Variants in LINGO2 observed in about 807,000 individuals in gnomAD.
LINGO2 encodes leucine rich repeat and Ig domain containing 2, also known as leucine-rich repeat and immunoglobulin-like domain-containing nogo receptor-interacting protein 2.
Under a neutral mutation model 30.6 loss-of-function variants are expected in LINGO2, and 14 were observed. That is an observed-to-expected ratio of 0.46 (90% CI 0.30 to 0.72). The LOEUF is 0.72. LINGO2 is among the 30% of genes least tolerant of loss of function. The pLI is 0.07. For synonymous variants in LINGO2, 317 were observed against 288.5 expected (o/e 1.10, Z -1.00); for missense variants, 729 against 751.7 (o/e 0.97, Z 0.35).
chr9:28,452,003 A>G (rs1004215400), intron 2 of LINGO2, among the ~76,000 whole-genome samples: 5 of 151,738 alleles, frequency 3.3e-5, no homozygotes, highest in Non-Finnish European at 5.9e-5. Flanking sequence ...AAACTCTAAC[A>G]TTGAAATAGG....
chr9:27,991,641 A>G (rs952782712), intron 5 of LINGO2, among the ~76,000 whole-genome samples: 1 of 152,092 alleles, frequency 6.6e-6, no homozygotes, highest in African/African-American at 2.4e-5. Flanking sequence ...GAACACAAGT[A>G]AAACATTGAT....
intron 5 of LINGO2, among the ~76,000 whole-genome samples, chr9:28,003,342 T>TATAGATATATAGATATATAGATAG (rs1554653728): frequency 1.4e-5 from 2 of 141,642 alleles, no homozygotes; most frequent in Non-Finnish European, 3.0e-5. Flanking sequence ...TATATAGATA[T>TATAGATATATAGATATATAGATAG]ATAGATAGAT....
At chr9:28,947,219 C>A in the LINGO2 span, among the ~76,000 whole-genome samples, 1 of 151,850 alleles carries the variant, frequency 6.6e-6, no homozygotes, top group Non-Finnish European at 1.5e-5. Context: ...TTCCATTATG[C>A]TGAATGGAAT....
At position 28,132,723 on chromosome 9, in the gene LINGO2, G is replaced by A. The variant is rs532107235; in HGVS notation, c.-86-120318C>T. Among the ~76,000 whole-genome samples the A allele has an allele frequency of 2.0e-5, 3 of 152,250 alleles. No homozygotes were observed. The South Asian group carries it at 6.2e-4, about 32-fold the overall frequency. The stretch of plus-strand genomic sequence containing the variant: ...TCTGGTTTTCATATGTTGATTCAAC[G>A]AAAAGACTGAGTTTTAATCTGTTGT... On this transcript the variant is annotated intron_variant, in intron 4 of 5. Coordinates refer to ENST00000379992, the Ensembl canonical transcript of LINGO2.
At chr9:28,838,925 G>A in the LINGO2 span, among the ~76,000 whole-genome samples, 1 of 152,332 alleles carries the variant, frequency 6.6e-6, no homozygotes, top group African/African-American at 2.4e-5. Context: ...ACCGGCTGTG[G>A]CAGGACAGGC....
chr9:28,000,380 A>G (rs903953881), intron 5 of LINGO2, among the ~76,000 whole-genome samples: 1 of 152,094 alleles, frequency 6.6e-6, no homozygotes, highest in African/African-American at 2.4e-5. Context: ...AAGAAGGAGG[A>G]GAAAAAAAGG....
chr9:28,910,513 A>T, the LINGO2 span, among the ~76,000 whole-genome samples: 1 of 152,002 alleles, frequency 6.6e-6, no homozygotes, highest in African/African-American at 2.4e-5. Context: ...CCCATGTTGG[A>T]AATGGGGTCT....
Position 28,129,290 on chromosome 9 carries a change from C to T in LINGO2, c.-86-116885G>A, listed in dbSNP as rs1406344215. On this transcript the variant is annotated intron_variant, in intron 4 of 5. Coordinates refer to ENST00000379992, the Ensembl canonical transcript of LINGO2. The surrounding 1 kb of genome is among the most constrained non-coding windows in gnomAD (Gnocchi z 4.0). Reference sequence around the variant, plus strand: ...ACTCCTTTTGGTATATACATATATCCTATTAGTTGTATCCCTCTGGAGAAC... The same window carrying T: ...ACTCCTTTTGGTATATACATATATCTTATTAGTTGTATCCCTCTGGAGAAC... Among the ~76,000 whole-genome samples the T allele has an allele frequency of 6.6e-6, 1 of 152,166 alleles. No homozygotes were observed. The highest frequency in any genetic ancestry group is 1.5e-5 in the Non-Finnish European group (1 of 68,036).
At chr9:29,133,430 T>C in the LINGO2 span, among the ~76,000 whole-genome samples, 2 of 152,126 alleles carry the variant, frequency 1.3e-5, no homozygotes, top group African/African-American at 4.8e-5. Flanking sequence ...TTCTCCTCAG[T>C]ATATTAAAGA....
chr9:28,102,614 G>A (rs991617412), intron 4 of LINGO2, among the ~76,000 whole-genome samples: 1 of 151,862 alleles, frequency 6.6e-6, no homozygotes, highest in Non-Finnish European at 1.5e-5. Context: ...AAAAAAAATT[G>A]AGCAGCTTAA....
At chr9:28,643,486 A>G (rs1827698897) in intron 1 of LINGO2, among the ~76,000 whole-genome samples, 1 of 152,104 alleles carries the variant, frequency 6.6e-6, no homozygotes, top group South Asian at 2.1e-4. Flanking sequence ...GGACATACAT[A>G]TGCAGAATAA....
chr9:28,084,306 G>T (rs942968991), intron 4 of LINGO2, among the ~76,000 whole-genome samples: 2 of 152,168 alleles, frequency 1.3e-5, no homozygotes, highest in African/African-American at 4.8e-5. Context: ...CAGTCACTTG[G>T]TATCTATTAT....
chr9:28,458,602 T>A (rs1824947196), intron 2 of LINGO2, among the ~76,000 whole-genome samples: 1 of 152,208 alleles, frequency 6.6e-6, no homozygotes, highest in South Asian at 2.1e-4. Flanking sequence ...CTGATCTTGT[T>A]AGAAACTGAA....
chr9:29,208,501 A>C, the LINGO2 span, among the ~76,000 whole-genome samples: 1 of 152,098 alleles, frequency 6.6e-6, no homozygotes, highest in Non-Finnish European at 1.5e-5. Context: ...GACTTTCATG[A>C]CACATGTTAA....
Position 28,254,786 on chromosome 9 carries a change from C to T in LINGO2, c.-87+40422G>A, listed in dbSNP as rs191366099. On this transcript the variant is annotated intron_variant, in intron 4 of 5. Coordinates refer to ENST00000379992, the Ensembl canonical transcript of LINGO2. ...TTTTTTAAAATTTAACTTTTAAGTT[C>T]AGGGGTACATGTGCAGATTTGTTAT... Among the ~76,000 whole-genome samples, 121 of 152,176 alleles carry T rather than the reference C, an allele frequency of 8.0e-4. 2 individuals are homozygous for T. The highest frequency in any genetic ancestry group is 2.7e-3 in the African/African-American group (114 of 41,544).
chr9:28,577,502 T>G (rs183450306), intron 1 of LINGO2, among the ~76,000 whole-genome samples: 32 of 152,200 alleles, frequency 2.1e-4, no homozygotes, highest in Admixed American at 1.3e-3. Flanking sequence ...AACACTATCT[T>G]TAAAAAACCC....
chr9:29,055,936 G>GTATATATATATATATATATATACATATA, the LINGO2 span, among the ~76,000 whole-genome samples: 3,829 of 121,174 alleles, frequency 0.032, 152 homozygotes, highest in South Asian at 0.075. Context: ...GTGTATGTGT[G>GTATATATATATATATATATATACATATA]TGTGTATATA....
intron 4 of LINGO2, among the ~76,000 whole-genome samples, chr9:28,183,462 TCA>T (rs1819431112): frequency 6.6e-6 from 1 of 152,004 alleles, no homozygotes; most frequent in African/African-American, 2.4e-5. Flanking sequence ...TATGCAGGGG[TCA>T]CACAACTATC....
At chr9:28,296,312 CTATT>C (rs1383494790) in intron 3 of LINGO2, among the ~76,000 whole-genome samples, 1 of 152,060 alleles carries the variant, frequency 6.6e-6, no homozygotes, top group Admixed American at 6.6e-5. Flanking sequence ...CTCTTAAAAA[CTATT>C]AGATTTTTTA....
Sources: allele counts gnomAD v4.1 joint callset (sites outside exome capture counted in the v4.1 genomes callset), GRCh38; gene constraint gnomAD v4.1.1; non-coding constraint Gnocchi (gnomAD v3.1); transcripts MANE v1.5; gene names NCBI Gene and HGNC (gene_info 2026-07-23, HGNC 2026-07-21).